CSMD2: variants seen among roughly 807,000 people sequenced by gnomAD.
CSMD2 encodes the protein CUB and Sushi multiple domains 2, also known as CUB and sushi domain-containing protein 2.
A neutral mutation model predicts 398.5 loss-of-function variants in CSMD2; 130 were observed. The ratio of observed to expected loss-of-function variants is 0.33; its 90% CI spans 0.28 to 0.38. CSMD2 has a LOEUF of 0.38. Among genes scored for constraint, CSMD2 ranks in the 10% least tolerant of loss-of-function variants. The pLI is 1.00. For missense variants in CSMD2, 3,829 were observed against 4,764.9 expected, an observed-to-expected ratio of 0.80 and a Z score of 5.78; for synonymous variants, 1,828 against 1,908.5, an observed-to-expected ratio of 0.96 and a Z score of 1.10.
At chr1:33,688,885 GATA>G (rs1283094754) in intron 25 of CSMD2, among the ~76,000 whole-genome samples, 1 of 152,160 alleles carries the variant, frequency 6.6e-6, no homozygotes, top group Non-Finnish European at 1.5e-5. Flanking sequence ...TAATAAAAAA[GATA>G]ATAACTAAAT....
At chr1:34,103,108 C>T (rs547483097) in intron 1 of CSMD2, among the ~76,000 whole-genome samples, 96 of 152,184 alleles carry the variant, frequency 6.3e-4, no homozygotes, top group African/African-American at 1.5e-3. Flanking sequence ...TTCCTTCACT[C>T]GGCTAACTCC....
At chr1:33,660,956 AG>A (rs1339347278) in intron 26 of CSMD2, among the ~76,000 whole-genome samples, 1 of 152,146 alleles carries the variant, frequency 6.6e-6, no homozygotes, top group Non-Finnish European at 1.5e-5. Context: ...GTAAAGTGCC[AG>A]GGTGCCGTGG....
At chr1:33,662,867 G>A (rs758240508) in intron 26 of CSMD2, 23 bp downstream of exon 26, 2 of 1,610,752 alleles carry the variant, frequency 1.2e-6, no homozygotes, top group Non-Finnish European at 8.5e-7. Context: ...GTGGAGTGGG[G>A]CTGGCAGAGG....
intron 1 of CSMD2, among the ~76,000 whole-genome samples, chr1:34,115,954 T>G (rs929908234): frequency 6.6e-6 from 1 of 151,566 alleles, no homozygotes; most frequent in African/African-American, 2.4e-5. Flanking sequence ...CTATAGAAGA[T>G]GCACCAAAGA....
intron 4 of CSMD2, among the ~76,000 whole-genome samples, chr1:33,933,485 G>A (rs906414439): frequency 6.6e-6 from 1 of 152,136 alleles, no homozygotes; most frequent in African/African-American, 2.4e-5. Flanking sequence ...GCTGCAAAAA[G>A]AAAAAGAACT....
intron 3 of CSMD2, among the ~76,000 whole-genome samples, chr1:34,015,318 A>G (rs908274222): frequency 1.3e-5 from 2 of 152,202 alleles, no homozygotes; most frequent in African/African-American, 4.8e-5. Flanking sequence ...CAGTTGAGAA[A>G]ACTGAGCCTC....
intron 55 of CSMD2, among the ~76,000 whole-genome samples, chr1:33,554,090 G>A (rs955854798): frequency 6.6e-6 from 1 of 151,750 alleles, no homozygotes; most frequent in East Asian, 1.9e-4. Flanking sequence ...AAGTGCTGAT[G>A]TGGAAGCTAT....
intron 3 of CSMD2, among the ~76,000 whole-genome samples, chr1:34,004,777 G>A (rs1283441072): frequency 6.6e-6 from 1 of 151,982 alleles, no homozygotes; most frequent in East Asian, 1.9e-4. Context: ...TATTCCTATG[G>A]CCTGGTCAAA....
chr1:34,148,308 T>A (rs1468387318), intron 1 of CSMD2, among the ~76,000 whole-genome samples: 1 of 152,186 alleles, frequency 6.6e-6, no homozygotes, highest in Non-Finnish European at 1.5e-5. Flanking sequence ...AGAGCAACTA[T>A]CTCATTGCTC....
chr1:33,736,433 A>G (rs1250375196), intron 15 of CSMD2, among the ~76,000 whole-genome samples: 1 of 151,978 alleles, frequency 6.6e-6, no homozygotes, highest in Non-Finnish European at 1.5e-5. Flanking sequence ...GTGAGCCAAG[A>G]TCACGCCACT....
chr1:33,986,036 C>A (rs993770955), intron 3 of CSMD2, among the ~76,000 whole-genome samples: 1 of 152,180 alleles, frequency 6.6e-6, no homozygotes, highest in Non-Finnish European at 1.5e-5. Context: ...ACCCAGGGAG[C>A]TCCTTGAGGG....
chr1:33,759,440 C>T (rs1382429385), intron 13 of CSMD2, among the ~76,000 whole-genome samples: 1 of 151,334 alleles, frequency 6.6e-6, no homozygotes. Context: ...ATTCTCCTGC[C>T]TCAGCCTCCT....
chr1:34,005,518 G>C (rs528017404), intron 3 of CSMD2, among the ~76,000 whole-genome samples: 1 of 152,190 alleles, frequency 6.6e-6, no homozygotes, highest in Admixed American at 6.5e-5. Flanking sequence ...GTCCTGACTA[G>C]GGCAAGGACA....
chr1:34,017,614 T>C (rs894155920), intron 3 of CSMD2, among the ~76,000 whole-genome samples: 2 of 152,168 alleles, frequency 1.3e-5, no homozygotes, highest in Non-Finnish European at 2.9e-5. Context: ...CCGAGTATAG[T>C]GGTGCACACC....
chr1:33,616,829 C>G (rs990797579), intron 39 of CSMD2, 77 bp downstream of exon 39: 33 of 1,122,080 alleles, frequency 2.9e-5, no homozygotes, highest in Non-Finnish European at 4.0e-5. Flanking sequence ...TGAACTTGAA[C>G]TCAATGATAC....
chr1:33,774,423 G>C (rs1651702307), intron 12 of CSMD2, among the ~76,000 whole-genome samples: 1 of 152,100 alleles, frequency 6.6e-6, no homozygotes, highest in African/African-American at 2.4e-5. Context: ...CAGAGCTCCA[G>C]GGAATCTGAA....
chr1:33,935,515 A>T (rs1391000971), intron 4 of CSMD2, among the ~76,000 whole-genome samples: 5 of 152,186 alleles, frequency 3.3e-5, no homozygotes, highest in African/African-American at 9.7e-5. Context: ...GACTGGCTAC[A>T]TATAAGTTTG....
chr1:34,078,025 A>G (rs1571027550), intron 2 of CSMD2, among the ~76,000 whole-genome samples: 1 of 152,270 alleles, frequency 6.6e-6, no homozygotes. Context: ...TTCAGAGACT[A>G]GGTTTTACTG....
chr1:33,592,049 C>T, intron 44 of CSMD2: 1 of 313,122 alleles, frequency 3.2e-6, no homozygotes, highest in East Asian at 8.4e-5. Flanking sequence ...TTGTTGTATT[C>T]CTTGGGAACC....
Sources: gnomAD v4.1 joint callset for allele counts (sites outside exome capture counted in the v4.1 genomes callset) on GRCh38, gnomAD v4.1.1 for gene constraint, MANE v1.5 for transcripts, NCBI Gene and HGNC (gene_info 2026-07-23, HGNC 2026-07-21) for gene names.